The following MANSC4 variants were observed in gnomAD, a reference collection of about 807,000 sequenced individuals.
MANSC4 encodes MANSC domain containing 4.
Under a neutral mutation model 11.4 loss-of-function variants are expected in MANSC4, and 11 were observed. The ratio of observed to expected loss-of-function variants is 0.97; its 90% CI spans 0.61 to 1.60. The LOEUF is 1.60. MANSC4 is among the 40% of genes most tolerant of loss of function. MANSC4 has a pLI of 0.00. For missense variants in MANSC4, 354 were observed against 404.6 expected (o/e 0.88, Z 1.07); for synonymous variants, 123 against 147.1 (o/e 0.84, Z 1.19).
intron 1 of MANSC4, among the ~76,000 whole-genome samples, chr12:27,777,226 C>G (rs1278300226): frequency 6.6e-6 from 1 of 152,016 alleles, no homozygotes; most frequent in Admixed American, 6.6e-5. Context: ...TTTTTTTGGT[C>G]TGTTTTAAAA....
intron 2 of MANSC4, among the ~76,000 whole-genome samples, chr12:27,767,922 G>A (rs1303975642): frequency 2.0e-5 from 3 of 152,200 alleles, no homozygotes; most frequent in Non-Finnish European, 4.4e-5. Context: ...GCATCACCTT[G>A]CCTAGACTGC....
chr12:27,766,679 T>G lies in MANSC4; in HGVS notation c.350A>C (p.Tyr117Ser). Reference protein sequence around the residue: ...ILEPGTSAILYNITDGIDPDL... With the variant: ...ILEPGTSAILSNITDGIDPDL... Reference sequence around the variant, plus strand: ...GTAATCATTACCGTCTGTTATGTTGTACAAAATGGCACTGGTTCCAGGCTC... The same window carrying G: ...GTAATCATTACCGTCTGTTATGTTGGACAAAATGGCACTGGTTCCAGGCTC... Residue 117 changes from tyrosine (Y) to serine (S), a missense_variant, in exon 3 of 4, where the codon TAC becomes TCC. Coordinates refer to ENST00000381273, the MANE Select transcript of MANSC4 (RefSeq NM_001146221.5). The G allele has an allele frequency of 1.3e-6, 2 of 1,551,330 alleles. No individual in the cohort carries two copies. Among genetic ancestry groups the G allele is most frequent in the Non-Finnish European group, 1.7e-6 (2 of 1,146,926 alleles).
At chr12:27,767,758 T>C (rs1189478172) in intron 2 of MANSC4, among the ~76,000 whole-genome samples, 1 of 152,104 alleles carries the variant, frequency 6.6e-6, no homozygotes, top group African/African-American at 2.4e-5. Context: ...CTAGGCACAG[T>C]GTCCTCTCAG....
At chr12:27,768,280 G>C (rs1241334319) in intron 2 of MANSC4, among the ~76,000 whole-genome samples, 2 of 151,500 alleles carry the variant, frequency 1.3e-5, no homozygotes, top group Non-Finnish European at 1.5e-5. Context: ...GCACGCATCT[G>C]TAATCCCAGC....
rs1339826150 is a variant in MANSC4 at position 27,780,219 on chromosome 12, C to T, written c.-316G>A. On this transcript the variant is annotated 5_prime_UTR_variant, in exon 1 of 4. Transcript: ENST00000381273. This position sits in a 1 kb window ranked among gnomAD's most constrained non-coding sequence, Gnocchi z 8.8. The stretch of plus-strand genomic sequence containing the variant: ...CGCGGGCGGCCCTCACCTCGCCGCT[C>T]CTCCCGGGCCGCCATCCCTCGGCGC... 2 of 1,052,026 alleles carry T rather than the reference C, an allele frequency of 1.9e-6. No individual in the cohort carries two copies. The highest frequency in any genetic ancestry group is 1.7e-5 in the African/African-American group (1 of 59,110). 65.2% of individuals were successfully genotyped at this position (1,052,026 alleles called of 1,614,324 possible). A position where few individuals can be genotyped will look rare whatever the true frequency, so the allele number is the denominator to read the frequency against.
Position 27,766,553 on chromosome 12 carries a change from A to G in MANSC4, c.364+112T>C, listed in dbSNP as rs2062072994. Reference sequence around the variant, plus strand: ...AAATTTTTCCCAAGTTCACTGGAAAATAATTATTTTAGGGACTCACATATG... The same window carrying G: ...AAATTTTTCCCAAGTTCACTGGAAAGTAATTATTTTAGGGACTCACATATG... On this transcript the variant is annotated intron_variant, in intron 3 of 3. Transcript: ENST00000381273. The G allele has an allele frequency of 4.1e-6, 5 of 1,226,332 alleles. No individual in the cohort carries two copies. In the South Asian group the frequency reaches 8.5e-5, roughly 21 times the overall value. 76.0% of individuals were successfully genotyped at this position (1,226,332 alleles called of 1,614,324 possible).
intron 3 of MANSC4, 58 bp from the exon 4 acceptor site, chr12:27,763,454 A>C: frequency 6.9e-7 from 1 of 1,459,042 alleles, no homozygotes; most frequent in Non-Finnish European, 9.1e-7. Flanking sequence ...AAAAACCCTA[A>C]AGCACAGTTT....
At chr12:27,774,040 C>T (rs1277131795) in intron 1 of MANSC4, among the ~76,000 whole-genome samples, 2 of 152,038 alleles carry the variant, frequency 1.3e-5, no homozygotes, top group Non-Finnish European at 2.9e-5. Context: ...CCCAGCTACT[C>T]GGGAGGTTGA....
At chr12:27,764,797 C>T (rs2062064928) in intron 3 of MANSC4, among the ~76,000 whole-genome samples, 1 of 152,168 alleles carries the variant, frequency 6.6e-6, no homozygotes, top group African/African-American at 2.4e-5. Flanking sequence ...TCCTTCTCTC[C>T]TTCATTGGCA....
chr12:27,773,687 G>A (rs1049876767), intron 1 of MANSC4, among the ~76,000 whole-genome samples: 8 of 152,086 alleles, frequency 5.3e-5, no homozygotes, highest in African/African-American at 1.9e-4. Context: ...AAGATGTTTG[G>A]GAAACACTGA....
At chr12:27,774,309 C>G (rs540108088) in intron 1 of MANSC4, among the ~76,000 whole-genome samples, 6 of 151,942 alleles carry the variant, frequency 3.9e-5, no homozygotes, top group African/African-American at 1.5e-4. Flanking sequence ...CAATATTTCA[C>G]CTTTAATTAA....
chr12:27,771,934 T>G (rs986850314), intron 1 of MANSC4, among the ~76,000 whole-genome samples: 2 of 151,794 alleles, frequency 1.3e-5, no homozygotes, highest in Non-Finnish European at 2.9e-5. Context: ...ATCTCAACAC[T>G]TTGGGAGGCT....
intron 3 of MANSC4, 86 bp downstream of exon 3, chr12:27,766,579 G>A: frequency 7.2e-7 from 1 of 1,390,638 alleles, no homozygotes; most frequent in Non-Finnish European, 9.7e-7. Context: ...CTCACATATG[G>A]CTATTGCCAG....
At chr12:27,770,308 G>A (rs11049131) in intron 2 of MANSC4, among the ~76,000 whole-genome samples, 24,843 of 151,914 alleles carry the variant, frequency 0.16, 2,510 homozygotes, top group Non-Finnish European at 0.23. Flanking sequence ...AGCCCCCCGC[G>A]TAGCTGGGAT....
At chr12:27,776,663 T>C (rs2062120914) in intron 1 of MANSC4, among the ~76,000 whole-genome samples, 1 of 151,946 alleles carries the variant, frequency 6.6e-6, no homozygotes, top group Admixed American at 6.6e-5. Context: ...CTGGGAGGCC[T>C]CTGGGAGGAG....
At position 27,763,251 on chromosome 12, in the gene MANSC4, G is replaced by T; in HGVS notation, c.510C>A (p.Ser170=). The T allele has an allele frequency of 1.3e-6, 2 of 1,551,666 alleles. No homozygotes were observed. The highest frequency in any genetic ancestry group is 2.4e-5 in the South Asian group (2 of 84,056). The stretch of plus-strand genomic sequence containing the variant: ...GCGTGGTTGAGGATGGAGCCTCTGT[G>T]GATGGCAGCATACCATTTATCGTGG... ...QTTTINGMLP[S]TEAPSSTTHQ... is the part of the protein sequence containing the mutation. The change falls in exon 4 of 4, where the codon TCC becomes TCA. Residue 170 remains serine, a synonymous_variant. Coordinates refer to ENST00000381273, the MANE Select transcript of MANSC4 (RefSeq NM_001146221.5).
chr12:27,767,032 T>G (rs749986991), intron 2 of MANSC4, among the ~76,000 whole-genome samples: 19 of 152,132 alleles, frequency 1.2e-4, no homozygotes, highest in Non-Finnish European at 2.4e-4. Flanking sequence ...CAGGCTGGAG[T>G]GCAGTGGTGC....
intron 1 of MANSC4, among the ~76,000 whole-genome samples, chr12:27,777,133 A>C (rs2062122131): frequency 6.6e-6 from 1 of 151,932 alleles, no homozygotes; most frequent in African/African-American, 2.4e-5. Flanking sequence ...AATACCCCAG[A>C]CTCCCTGTCC....
Position 27,771,335 on chromosome 12 carries a change from CTG to C in MANSC4, c.-61_-60del. The stretch of plus-strand genomic sequence containing the variant: ...CTGATTTCCAGACAGAAGCTGAACA[CTG>C]GAGTTTAGGACAGTCTCTGGAACGT... On this transcript the variant is annotated 5_prime_UTR_variant, in exon 2 of 4. Transcript: ENST00000381273. 6.2e-6 allele frequency: 9 copies of C among 1,454,564 alleles called. No homozygotes were observed. The highest frequency in any genetic ancestry group is 8.4e-6 in the Non-Finnish European group (9 of 1,071,780). 90.1% of individuals were successfully genotyped at this position (1,454,564 alleles called of 1,614,324 possible).
Sources: gnomAD v4.1 joint callset for allele counts (sites outside exome capture counted in the v4.1 genomes callset) on GRCh38, gnomAD v4.1.1 for gene constraint, Gnocchi (gnomAD v3.1) non-coding constraint, MANE v1.5 for transcripts, NCBI Gene and HGNC (gene_info 2026-07-23, HGNC 2026-07-21) for gene names.